The following OR2C1 variants were observed in gnomAD, a reference collection of about 807,000 sequenced individuals.
The protein encoded by OR2C1 is olfactory receptor 2C1.
For synonymous variants in OR2C1, 209 were observed against 167.3 expected (o/e 1.25, Z -1.92); for missense variants, 468 against 388.3 (o/e 1.21, Z -1.73).
chr16:3,339,733 G>A, the OR2C1 span, among the ~76,000 whole-genome samples: 1 of 152,100 alleles, frequency 6.6e-6, no homozygotes, highest in South Asian at 2.1e-4. Flanking sequence ...TGGGATTACA[G>A]GCATGAGCCA....
At chr16:3,348,508 A>G in the OR2C1 span, among the ~76,000 whole-genome samples, 2 of 152,262 alleles carry the variant, frequency 1.3e-5, no homozygotes, top group East Asian at 3.9e-4. Flanking sequence ...GCCTGGTGTG[A>G]TGGTTGTGAT....
the OR2C1 span, among the ~76,000 whole-genome samples, chr16:3,339,359 C>G: frequency 2.0e-5 from 3 of 147,442 alleles, no homozygotes; most frequent in Admixed American, 6.9e-5. Flanking sequence ...GTTTTCAATT[C>G]TTTTGGGTAT....
At chr16:3,353,767 C>T (rs1448904359), upstream of OR2C1, among the ~76,000 whole-genome samples, 1 of 151,792 alleles carries the variant, frequency 6.6e-6, no homozygotes, top group Non-Finnish European at 1.5e-5. Flanking sequence ...CGCCACTGCA[C>T]TCCAGCCTGG....
At chr16:3,337,950 C>A in the OR2C1 span, among the ~76,000 whole-genome samples, 4 of 152,176 alleles carry the variant, frequency 2.6e-5, no homozygotes, top group Non-Finnish European at 4.4e-5. Context: ...CCATGCCTCC[C>A]CACAAGCTGC....
upstream of OR2C1, among the ~76,000 whole-genome samples, chr16:3,355,350 C>T (rs1472583816): frequency 2.0e-5 from 3 of 147,514 alleles, no homozygotes; most frequent in Admixed American, 1.4e-4. Flanking sequence ...CCCAGCTACT[C>T]GTGAGGCTGA....
the OR2C1 span, among the ~76,000 whole-genome samples, chr16:3,339,929 T>C: frequency 6.6e-6 from 1 of 152,178 alleles, no homozygotes; most frequent in Non-Finnish European, 1.5e-5. Flanking sequence ...TTTTATGTAC[T>C]TTTGGGCCAT....
At chr16:3,324,233 C>T in the OR2C1 span, among the ~76,000 whole-genome samples, 1 of 152,124 alleles carries the variant, frequency 6.6e-6, no homozygotes, top group South Asian at 2.1e-4. Flanking sequence ...ACTCTATCCC[C>T]CAGGCTGGAG....
At chr16:3,332,517 A>C in the OR2C1 span, among the ~76,000 whole-genome samples, 1 of 151,904 alleles carries the variant, frequency 6.6e-6, no homozygotes, top group Non-Finnish European at 1.5e-5. Flanking sequence ...CCTCCCCCCC[A>C]CTACCCTTCC....
the OR2C1 span, among the ~76,000 whole-genome samples, chr16:3,333,210 CATT>C: frequency 2.8e-3 from 92 of 33,038 alleles, 22 homozygotes; most frequent in Non-Finnish European, 4.3e-3. Flanking sequence ...ATCTTTTGCC[CATT>C]TTTTTTTTTT....
the OR2C1 span, among the ~76,000 whole-genome samples, chr16:3,330,158 G>C: frequency 2.6e-5 from 4 of 152,084 alleles, no homozygotes; most frequent in African/African-American, 9.7e-5. Flanking sequence ...CCAGGCTGGA[G>C]TGCAGTGGTG....
the OR2C1 span, among the ~76,000 whole-genome samples, chr16:3,345,441 G>A: frequency 6.6e-6 from 1 of 150,996 alleles, no homozygotes; most frequent in South Asian, 2.1e-4. Flanking sequence ...AACGGAGATC[G>A]CAGCACTGCA....
At chr16:3,352,071 G>A (rs762295294), upstream of OR2C1, among the ~76,000 whole-genome samples, 16 of 151,764 alleles carry the variant, frequency 1.1e-4, no homozygotes, top group Non-Finnish European at 2.2e-4. Context: ...CTTCCGAGTG[G>A]CCTAGATTTC....
At chr16:3,341,348 G>C in the OR2C1 span, among the ~76,000 whole-genome samples, 1 of 151,930 alleles carries the variant, frequency 6.6e-6, no homozygotes, top group African/African-American at 2.4e-5. Flanking sequence ...GTTTTTATGT[G>C]GGTTCTTTGG....
At chr16:3,349,464 T>C in the OR2C1 span, among the ~76,000 whole-genome samples, 3 of 152,274 alleles carry the variant, frequency 2.0e-5, no homozygotes, top group East Asian at 5.8e-4. Context: ...TTAAAAGCTG[T>C]GGCCCCAGTT....
chr16:3,326,676 C>G, the OR2C1 span, among the ~76,000 whole-genome samples: 18 of 152,282 alleles, frequency 1.2e-4, no homozygotes, highest in East Asian at 1.7e-3. Context: ...AAGATTCTAC[C>G]TCCTTGGTTA....
Position 3,357,118 on chromosome 16 carries a change from A to C in OR2C1, c.*239A>C. The C allele has an allele frequency of 2.1e-6, 1 of 471,376 alleles. No homozygotes were observed. The highest frequency in any genetic ancestry group is 3.9e-5 in the East Asian group (1 of 25,746). 29.2% of individuals were successfully genotyped at this position (471,376 alleles called of 1,614,324 possible). On this transcript the variant is annotated 3_prime_UTR_variant, in exon 1 of 1. Coordinates refer to ENST00000304936, the MANE Select transcript of OR2C1 (RefSeq NM_012368.3). ...CGATAGCAGGGGAGACATGTTGTTG[A>C]GGGCTCAGAGGTTATTGACCTGTGA...
the OR2C1 span, among the ~76,000 whole-genome samples, chr16:3,340,916 A>G: frequency 2.7e-5 from 4 of 150,460 alleles, no homozygotes; most frequent in African/African-American, 7.3e-5. Context: ...TTTTTTCAAG[A>G]TTCTTTTGGC....
At chr16:3,342,282 C>G in the OR2C1 span, among the ~76,000 whole-genome samples, 25 of 152,132 alleles carry the variant, frequency 1.6e-4, 1 homozygote, top group Admixed American at 5.2e-4. Flanking sequence ...AAAGCACAAA[C>G]CAACATTAAG....
At chr16:3,355,295 T>C (rs1485791806), upstream of OR2C1, among the ~76,000 whole-genome samples, 5 of 151,418 alleles carry the variant, frequency 3.3e-5, no homozygotes, top group East Asian at 7.8e-4. Flanking sequence ...ACCCCGTCTC[T>C]ACTAAAACAA....
Sources: allele counts gnomAD v4.1 joint callset (sites outside exome capture counted in the v4.1 genomes callset), GRCh38; gene constraint gnomAD v4.1.1; transcripts MANE v1.5; gene names NCBI Gene and HGNC (gene_info 2026-07-23, HGNC 2026-07-21).